Variants in DPP10 observed in about 807,000 individuals in gnomAD.
DPP10 encodes the protein inactive dipeptidyl peptidase 10.
In DPP10, 33 loss-of-function variants were observed where a neutral mutation model predicts 120.9. The ratio of observed to expected loss-of-function variants is 0.27; its 90% confidence interval spans 0.21 to 0.37. The LOEUF (loss-of-function observed/expected upper bound fraction) is 0.37. Among genes scored for constraint, DPP10 ranks in the 10% least tolerant of loss-of-function variants. The pLI is 1.00. For missense variants in DPP10, 816 were observed against 942.8 expected, an observed-to-expected ratio of 0.87 and a Z score of 1.76; for synonymous variants, 337 against 326.1, an observed-to-expected ratio of 1.03 and a Z score of -0.36.
chr2:114,617,671 C>T (rs1693777998), intron 1 of DPP10, among the ~76,000 whole-genome samples: 2 of 152,186 alleles, frequency 1.3e-5, no homozygotes, highest in South Asian at 2.1e-4. Flanking sequence ...CAGTAAGCTG[C>T]ATAAAGATAA....
In DPP10 at chr2:115,566,328, T is replaced by A. The variant is rs562104306; in HGVS notation, c.441+40356T>A. 5.3e-5 allele frequency among the ~76,000 whole-genome samples: 8 copies of A among 152,230 alleles called. No homozygotes were observed. The South Asian group carries it at 1.2e-3, about 24-fold the overall frequency. Reference sequence around the variant, plus strand: ...CACTGAGTTTTCTTGACTGAAAAAATTTATGATTTTTTTCTATATGGTGGT... The same window carrying A: ...CACTGAGTTTTCTTGACTGAAAAAAATTATGATTTTTTTCTATATGGTGGT... On this transcript the variant is annotated intron_variant, in intron 5 of 25. Coordinates refer to ENST00000410059, the MANE Select transcript of DPP10 (RefSeq NM_020868.6).
At chr2:114,525,075 C>T (rs1685388587) in intron 1 of DPP10, among the ~76,000 whole-genome samples, 1 of 152,190 alleles carries the variant, frequency 6.6e-6, no homozygotes, top group Non-Finnish European at 1.5e-5. Context: ...AATACCTTCC[C>T]TCTACCCTTT....
intron 19 of DPP10, among the ~76,000 whole-genome samples, chr2:115,803,333 G>A (rs756795794): frequency 2.4e-4 from 36 of 152,086 alleles, no homozygotes; most frequent in Non-Finnish European, 4.1e-4. Flanking sequence ...GTCTCTGCAC[G>A]TGAGATGGGT....
chr2:114,586,768 A>G (rs2105125728), intron 1 of DPP10, among the ~76,000 whole-genome samples: 1 of 152,272 alleles, frequency 6.6e-6, no homozygotes, highest in East Asian at 1.9e-4. Context: ...GTAATCAGTG[A>G]GTTCTTGCTC....
chr2:115,042,614 A>G lies in DPP10; in HGVS notation c.61-266625A>G, dbSNP rs181847995. On this transcript the variant is annotated intron_variant, in intron 1 of 25. Transcript: ENST00000410059. Reference sequence around the variant, plus strand: ...CTTGGCTATTGATGCACGGAGTGTTAGAGCTGAAATAGTTCTTAATTTTGG... The same window carrying G: ...CTTGGCTATTGATGCACGGAGTGTTGGAGCTGAAATAGTTCTTAATTTTGG... Among the ~76,000 whole-genome samples, 1,335 of 152,340 alleles carry G rather than the reference A, an allele frequency of 8.8e-3. 10 individuals are homozygous for G. Among genetic ancestry groups the G allele is most frequent in the Middle Eastern group, 0.024 (7 of 294 alleles).
intron 1 of DPP10, among the ~76,000 whole-genome samples, chr2:115,158,830 T>A (rs1210937897): frequency 6.6e-6 from 1 of 152,210 alleles, no homozygotes; most frequent in Non-Finnish European, 1.5e-5. Flanking sequence ...GATTTTTGTA[T>A]TCAGAAGTTA....
chr2:115,576,187 A>G (rs975186723), intron 5 of DPP10, among the ~76,000 whole-genome samples: 4 of 152,248 alleles, frequency 2.6e-5, no homozygotes, highest in Non-Finnish European at 5.9e-5. Flanking sequence ...TATCAAAAAC[A>G]TTGATCACCT....
chr2:114,649,205 A>T (rs1696377092), intron 1 of DPP10, among the ~76,000 whole-genome samples: 1 of 152,196 alleles, frequency 6.6e-6, no homozygotes, highest in African/African-American at 2.4e-5. Context: ...TAGAAAACCT[A>T]GGAGGAATTT....
At chr2:115,470,509 A>C (rs913659065) in intron 3 of DPP10, among the ~76,000 whole-genome samples, 11 of 152,180 alleles carry the variant, frequency 7.2e-5, no homozygotes, top group African/African-American at 2.7e-4. Flanking sequence ...GCACTGGTTG[A>C]GAGGGTTCGA....
chr2:115,036,534 G>T (rs183850768), intron 1 of DPP10, among the ~76,000 whole-genome samples: 1 of 151,932 alleles, frequency 6.6e-6, no homozygotes, highest in Non-Finnish European at 1.5e-5. Context: ...TTTGATTATC[G>T]CACCATTGTA....
intron 1 of DPP10, among the ~76,000 whole-genome samples, chr2:114,679,964 T>C (rs1274192995): frequency 2.0e-5 from 3 of 152,042 alleles, no homozygotes; most frequent in Admixed American, 6.6e-5. Flanking sequence ...CTGCAAGTCA[T>C]GACAGGATTC....
chr2:115,085,967 T>C (rs1212193692), intron 1 of DPP10, among the ~76,000 whole-genome samples: 2 of 152,124 alleles, frequency 1.3e-5, no homozygotes, highest in Non-Finnish European at 2.9e-5. Flanking sequence ...ACCCTATATA[T>C]CGTGACTTAC....
intron 1 of DPP10, among the ~76,000 whole-genome samples, chr2:114,935,985 TTTTAA>T (rs1696433409): frequency 1.3e-5 from 2 of 152,074 alleles, no homozygotes; most frequent in Admixed American, 6.6e-5. Context: ...TATTTATTTG[TTTTAA>T]TTTATTTTTT....
intron 1 of DPP10, among the ~76,000 whole-genome samples, chr2:114,932,787 C>G (rs1328749865): frequency 1.3e-5 from 2 of 152,106 alleles, no homozygotes; most frequent in African/African-American, 4.8e-5. Flanking sequence ...AAGATTAATA[C>G]ACCTTATATA....
intron 1 of DPP10, among the ~76,000 whole-genome samples, chr2:114,859,486 T>G (rs1472607203): frequency 6.6e-6 from 1 of 152,166 alleles, no homozygotes; most frequent in African/African-American, 2.4e-5. Context: ...AAATTGAAAG[T>G]GGGTTTATAT....
intron 21 of DPP10, among the ~76,000 whole-genome samples, chr2:115,820,484 A>C (rs1479531087): frequency 2.0e-5 from 3 of 149,286 alleles, no homozygotes; most frequent in Non-Finnish European, 4.4e-5. Context: ...GTTTACTTAC[A>C]TGAATAAGTT....
chr2:115,836,742 T>C lies in DPP10; in HGVS notation c.2178T>C (p.Ala726=). ...EENILIIHGT[A]DTKVHFQHSA... ...ATATATTAATAATTCATGGAACTGC[T>C]GACAGTAAGTATTATACTTGCCGCT... Residue 726 remains alanine (A), a synonymous_variant, in exon 24 of 26, where the codon GCT becomes GCC. Coordinates refer to ENST00000410059, the MANE Select transcript of DPP10 (RefSeq NM_020868.6). 1.2e-6 allele frequency: 2 copies of C among 1,612,822 alleles called. No homozygotes were observed. The highest frequency in any genetic ancestry group is 1.7e-6 in the Non-Finnish European group (2 of 1,179,436).
chr2:114,960,219 T>C (rs1053054836), intron 1 of DPP10, among the ~76,000 whole-genome samples: 1 of 152,144 alleles, frequency 6.6e-6, no homozygotes, highest in Non-Finnish European at 1.5e-5. Context: ...TATTTTCCTA[T>C]GAACTTTCAT....
intron 5 of DPP10, among the ~76,000 whole-genome samples, chr2:115,584,223 A>G (rs181629905): frequency 5.3e-4 from 81 of 152,300 alleles, no homozygotes; most frequent in Admixed American, 1.3e-3. Context: ...TACATTTTTC[A>G]TCACTCTTAT....
Sources: gnomAD v4.1 joint callset for allele counts (sites outside exome capture counted in the v4.1 genomes callset) on GRCh38, gnomAD v4.1.1 for gene constraint, MANE v1.5 for transcripts, NCBI Gene and HGNC (gene_info 2026-07-23, HGNC 2026-07-21) for gene names.